Variants in NAA50 observed in about 807,000 individuals in gnomAD.
The protein encoded by NAA50 is N-alpha-acetyltransferase 50.
A neutral mutation model predicts 20.7 loss-of-function variants in NAA50; 7 were observed. The observed-to-expected ratio is 0.34, with a 90% CI of 0.19 to 0.63. The LOEUF (loss-of-function observed/expected upper bound fraction) is 0.63. Ranked by LOEUF, NAA50 falls within the 30% of genes least tolerant of loss-of-function variation. The pLI, the probability that NAA50 is intolerant of heterozygous loss-of-function variation, is 0.75. For synonymous variants in NAA50, 54 were observed against 70.6 expected (o/e 0.77, Z 1.18); for missense variants, 111 against 199.1 (o/e 0.56, Z 2.66).
At chr3:113,742,023 T>C (rs2107995881) in intron 1 of NAA50, among the ~76,000 whole-genome samples, 1 of 152,310 alleles carries the variant, frequency 6.6e-6, no homozygotes, top group African/African-American at 2.4e-5. Flanking sequence ...AGTACATTGA[T>C]TTTTTAAAAA....
intron 1 of NAA50, among the ~76,000 whole-genome samples, chr3:113,729,746 C>T (rs1708247713): frequency 6.6e-6 from 1 of 151,690 alleles, no homozygotes; most frequent in African/African-American, 2.4e-5. Flanking sequence ...TTGGTAGAGA[C>T]AGGATTTCAC....
At chr3:113,740,147 A>G (rs1244777231) in intron 1 of NAA50, among the ~76,000 whole-genome samples, 1 of 152,170 alleles carries the variant, frequency 6.6e-6, no homozygotes, top group Non-Finnish European at 1.5e-5. Flanking sequence ...TACAAGGGGA[A>G]GAAATCATTT....
At chr3:113,744,609 T>C (rs1443380811) in intron 1 of NAA50, among the ~76,000 whole-genome samples, 1 of 152,210 alleles carries the variant, frequency 6.6e-6, no homozygotes, top group African/African-American at 2.4e-5. Context: ...CCTATACCCG[T>C]CAATTATATT....
intron 1 of NAA50, among the ~76,000 whole-genome samples, chr3:113,738,254 T>G (rs1708371513): frequency 6.6e-6 from 1 of 152,216 alleles, no homozygotes; most frequent in African/African-American, 2.4e-5. Flanking sequence ...TTAAGAAAGC[T>G]CCTTGCCAGC....
intron 1 of NAA50, among the ~76,000 whole-genome samples, chr3:113,731,787 G>A (rs1043113272): frequency 1.3e-5 from 2 of 152,134 alleles, no homozygotes; most frequent in African/African-American, 4.8e-5. Context: ...GTTTTAACAC[G>A]TCAGCAGTCT....
chr3:113,740,546 A>G (rs1285502522), intron 1 of NAA50, among the ~76,000 whole-genome samples: 27 of 151,886 alleles, frequency 1.8e-4, no homozygotes, highest in Non-Finnish European at 4.4e-5. Flanking sequence ...TATGATTACT[A>G]TTTTTTTGTA....
At chr3:113,734,011 A>C (rs1435331504) in intron 1 of NAA50, among the ~76,000 whole-genome samples, 2 of 152,156 alleles carry the variant, frequency 1.3e-5, no homozygotes, top group Non-Finnish European at 2.9e-5. Context: ...AGATGAAATA[A>C]AATGGGAATC....
intron 1 of NAA50, among the ~76,000 whole-genome samples, chr3:113,738,983 T>A (rs747236256): frequency 2.6e-5 from 4 of 152,160 alleles, no homozygotes; most frequent in Non-Finnish European, 5.9e-5. Context: ...AAGGCAATCA[T>A]CATCCCAATT....
At chr3:113,736,598 T>C (rs566768410) in intron 1 of NAA50, among the ~76,000 whole-genome samples, 1 of 152,326 alleles carries the variant, frequency 6.6e-6, no homozygotes, top group South Asian at 2.1e-4. Flanking sequence ...ATTCAACCCA[T>C]TGCCAATTAT....
chr3:113,739,171 G>A (rs924345692), intron 1 of NAA50, among the ~76,000 whole-genome samples: 2 of 152,216 alleles, frequency 1.3e-5, no homozygotes, highest in African/African-American at 4.8e-5. Flanking sequence ...AAGACAACTT[G>A]TAAGGAAGCT....
At chr3:113,726,087 A>C (rs533556470) in intron 1 of NAA50, among the ~76,000 whole-genome samples, 1 of 152,126 alleles carries the variant, frequency 6.6e-6, no homozygotes, top group Non-Finnish European at 1.5e-5. Context: ...TTATACCACT[A>C]ATCTGTATTA....
chr3:113,722,815 C>T, intron 4 of NAA50, 91 bp downstream of exon 4: 8 of 1,391,658 alleles, frequency 5.7e-6, no homozygotes, highest in South Asian at 5.5e-5. Context: ...TCCAAAGGCA[C>T]AATAAGTGAC....
intron 2 of NAA50, 56 bp downstream of exon 2, chr3:113,723,903 G>T: frequency 6.9e-7 from 1 of 1,446,356 alleles, no homozygotes; most frequent in South Asian, 1.6e-5. Flanking sequence ...AAAAACTAGG[G>T]TTCAAGAACA....
chr3:113,724,223 G>A (rs1708173336), intron 1 of NAA50, 128 bp from the exon 2 acceptor site: 4 of 1,045,264 alleles, frequency 3.8e-6, no homozygotes, highest in African/African-American at 1.6e-5. Flanking sequence ...TGATTTATAA[G>A]CAAATTATCA....
rs1047639617 is a variant in NAA50 at position 113,746,197 on chromosome 3, G to A, written c.-248C>T. 1.2e-5 allele frequency: 6 copies of A among 505,274 alleles called. No individual in the cohort carries two copies. The highest frequency in any genetic ancestry group is 8.6e-5 in the Admixed American group (2 of 23,178). The allele number at this position is 505,274 out of a possible 1,614,324, so 31.3% of individuals were successfully genotyped here. A position where few individuals can be genotyped will look rare whatever the true frequency, so the allele number is the denominator to read the frequency against. The stretch of plus-strand genomic sequence containing the variant: ...TCCACACGTGCACTCGGGTCTCTCG[G>A]CTCCCTCCCGCCGCTGCCGCCAGCC... On this transcript the variant is annotated 5_prime_UTR_variant, in exon 1 of 5. Coordinates refer to ENST00000240922, the MANE Select transcript of NAA50 (RefSeq NM_025146.4).
At chr3:113,744,256 G>GT (rs1324771109) in intron 1 of NAA50, among the ~76,000 whole-genome samples, 4 of 152,174 alleles carry the variant, frequency 2.6e-5, no homozygotes, top group South Asian at 2.1e-4. Flanking sequence ...GAGCTCAGGA[G>GT]TTTGAGACCA....
intron 1 of NAA50, among the ~76,000 whole-genome samples, chr3:113,744,837 TAC>T (rs1708467222): frequency 6.6e-6 from 1 of 152,222 alleles, no homozygotes; most frequent in African/African-American, 2.4e-5. Context: ...CAAATACCGA[TAC>T]ACAGAGGTAA....
intron 1 of NAA50, among the ~76,000 whole-genome samples, chr3:113,733,472 A>G (rs1708296306): frequency 6.6e-6 from 1 of 152,184 alleles, no homozygotes; most frequent in South Asian, 2.1e-4. Context: ...AAGACAGAAA[A>G]TAAGTACAAA....
chr3:113,722,168 T>C (rs951372204), intron 4 of NAA50, among the ~76,000 whole-genome samples: 2 of 152,158 alleles, frequency 1.3e-5, no homozygotes, highest in Admixed American at 6.5e-5. Flanking sequence ...GTGTTTATTC[T>C]TGTAGTCAAC....
Sources: gnomAD v4.1 joint callset for allele counts (sites outside exome capture counted in the v4.1 genomes callset) on GRCh38, gnomAD v4.1.1 for gene constraint, MANE v1.5 for transcripts, NCBI Gene and HGNC (gene_info 2026-07-23, HGNC 2026-07-21) for gene names.